Variants in LAMA2 observed in about 807,000 individuals in gnomAD.
The protein encoded by LAMA2 is laminin subunit alpha-2.
In LAMA2, 269 loss-of-function variants were observed where a neutral mutation model predicts 364.8. The observed-to-expected ratio is 0.74, with a 90% CI of 0.67 to 0.82. LAMA2 has a LOEUF of 0.82. Among genes scored for constraint, LAMA2 ranks in the 40% least tolerant of loss-of-function variants. The probability of loss-of-function intolerance (pLI) is 0.00; values close to 1 mark genes in which losing one functional copy is unlikely to be tolerated. For synonymous variants in LAMA2, 1,379 were observed against 1,370.6 expected, an observed-to-expected ratio of 1.01 and a Z score of -0.14; for missense variants, 3,807 against 3,873.2, an observed-to-expected ratio of 0.98 and a Z score of 0.45.
intron 22 of LAMA2, among the ~76,000 whole-genome samples, chr6:129,306,345 G>GTTT (rs138700232): frequency 9.5e-5 from 9 of 94,840 alleles, no homozygotes; most frequent in Non-Finnish European, 1.5e-4. Flanking sequence ...TTCCAGAAAG[G>GTTT]TGTTTTTTTT....
intron 28 of LAMA2, among the ~76,000 whole-genome samples, chr6:129,327,130 C>T (rs1052491620): frequency 1.3e-5 from 2 of 152,042 alleles, no homozygotes; most frequent in African/African-American, 4.8e-5. Flanking sequence ...TATTAAATCT[C>T]ATTAGAATTT....
Position 129,391,558 on chromosome 6 carries a change from T to C in LAMA2, c.5139T>C (p.Asn1713=). 4 of 1,613,784 alleles carry C rather than the reference T, an allele frequency of 2.5e-6. No homozygotes were observed. The highest frequency in any genetic ancestry group is 2.2e-5 in the East Asian group (1 of 44,852). Residue 1713 remains asparagine, a synonymous_variant, in exon 36 of 65, where the codon AAT becomes AAC. Coordinates refer to ENST00000421865, the MANE Select transcript of LAMA2 (RefSeq NM_000426.4). ...CTCGAGACGAGGCCTTTGAGAGAAA[T>C]TTGGAAGGGCTTCAGAAAGAGATTG... ...LGTRDEAFER[N]LEGLQKEIDQ...
chr6:129,232,491 G>A (rs576159442), intron 12 of LAMA2, among the ~76,000 whole-genome samples: 32 of 152,028 alleles, frequency 2.1e-4, no homozygotes, highest in Middle Eastern at 3.4e-3. Flanking sequence ...ATATAGATAC[G>A]TACATTCCTG....
chr6:129,403,913 A>C lies in LAMA2; in HGVS notation c.5819A>C (p.Lys1940Thr), dbSNP rs1242293248. ...NIKDYIDEAE[K>T]VAKEAKDLAH... ...AAGGACTATATTGATGAAGCTGAGA[A>C]AGTTGCCAAAGAAGCCAAAGATCTT... The change falls in exon 40 of 65, where the codon AAA becomes ACA. Residue 1940 changes from lysine (K) to threonine (T), a missense_variant. By Grantham distance (78) the Lys-to-Thr change is moderately conservative (BLOSUM62 -1). Transcript: ENST00000421865. 6.2e-7 allele frequency: 1 copy of C among 1,613,880 alleles called. No homozygotes were observed. The highest frequency in any genetic ancestry group is 8.5e-7 in the Non-Finnish European group (1 of 1,179,906).
chr6:129,433,315 A>T (rs553942754), intron 41 of LAMA2, among the ~76,000 whole-genome samples: 64 of 152,326 alleles, frequency 4.2e-4, no homozygotes, highest in African/African-American at 1.5e-3. Flanking sequence ...GAGACCTAGG[A>T]GAGAAATACA....
At chr6:129,075,690 A>C (rs565824644) in intron 3 of LAMA2, among the ~76,000 whole-genome samples, 1 of 152,234 alleles carries the variant, frequency 6.6e-6, no homozygotes, top group East Asian at 1.9e-4. Context: ...GACTCCTAGG[A>C]GTTTGGCCTG....
intron 12 of LAMA2, among the ~76,000 whole-genome samples, chr6:129,225,905 C>T (rs1441012767): frequency 2.0e-5 from 3 of 152,074 alleles, no homozygotes; most frequent in African/African-American, 4.8e-5. Context: ...CTTTCTGTCT[C>T]GTTGATCTGT....
intron 49 of LAMA2, among the ~76,000 whole-genome samples, chr6:129,463,180 A>G (rs1462183696): frequency 1.3e-5 from 2 of 152,032 alleles, no homozygotes; most frequent in East Asian, 1.9e-4. Context: ...TAATTAATCT[A>G]TACTAACTTT....
intron 22 of LAMA2, among the ~76,000 whole-genome samples, chr6:129,305,765 A>G (rs1314477066): frequency 6.6e-6 from 1 of 150,872 alleles, no homozygotes; most frequent in East Asian, 1.9e-4. Flanking sequence ...TATTGGTATG[A>G]TTGGATTAAG....
rs369057810 is a variant in LAMA2, at chr6:129,374,082, C to T, written c.4959+4092C>T. Among the ~76,000 whole-genome samples the T allele has an allele frequency of 6.0e-3, 913 of 152,196 alleles. 8 individuals carry two copies. The highest frequency in any genetic ancestry group is 0.021 in the African/African-American group (854 of 41,516). ...GTAAATACTCATTAATTACTTTTTT[C>T]CTACCATATTTATAATTACAAATAT... On this transcript the variant is annotated intron_variant, in intron 34 of 64. Coordinates refer to ENST00000421865, the MANE Select transcript of LAMA2 (RefSeq NM_000426.4).
chr6:129,218,819 A>G (rs1412549323), intron 12 of LAMA2, among the ~76,000 whole-genome samples: 1 of 152,108 alleles, frequency 6.6e-6, no homozygotes, highest in Non-Finnish European at 1.5e-5. Flanking sequence ...TTTCATTTGC[A>G]GATGCTTAAA....
intron 1 of LAMA2, among the ~76,000 whole-genome samples, chr6:129,022,899 A>C (rs1301892785): frequency 6.6e-6 from 1 of 152,160 alleles, no homozygotes; most frequent in Non-Finnish European, 1.5e-5. Context: ...ATATTTAAGA[A>C]CACCACTCAC....
At chr6:129,325,544 T>TA (rs1357688757) in intron 28 of LAMA2, among the ~76,000 whole-genome samples, 88 of 150,980 alleles carry the variant, frequency 5.8e-4, no homozygotes, top group East Asian at 2.9e-3. Flanking sequence ...TTTTTTTTTT[T>TA]AAAAAAAACA....
chr6:129,319,952 A>G (rs939760382), intron 27 of LAMA2, among the ~76,000 whole-genome samples: 1 of 151,966 alleles, frequency 6.6e-6, no homozygotes, highest in Non-Finnish European at 1.5e-5. Context: ...GGCCAACATG[A>G]TGAAACCCAG....
intron 12 of LAMA2, among the ~76,000 whole-genome samples, chr6:129,202,434 G>A (rs73773702): frequency 0.023 from 3,565 of 152,124 alleles, 145 homozygotes; most frequent in African/African-American, 0.08. Flanking sequence ...TACAAAAGAG[G>A]TTGAGGATGC....
At chr6:128,916,391 T>G (rs2114473037) in intron 1 of LAMA2, among the ~76,000 whole-genome samples, 1 of 152,294 alleles carries the variant, frequency 6.6e-6, no homozygotes, top group Admixed American at 6.5e-5. Flanking sequence ...GAACACCAAC[T>G]GTAGGTACTA....
chr6:129,250,007 A>G (rs1786055869), intron 12 of LAMA2, 105 bp from the exon 13 acceptor site: 1 of 766,648 alleles, frequency 1.3e-6, no homozygotes, highest in African/African-American at 1.7e-5. Context: ...GCGTCTTGCA[A>G]ATACTGCCCT....
intron 10 of LAMA2, among the ~76,000 whole-genome samples, chr6:129,189,779 T>C (rs1306729548): frequency 6.6e-6 from 1 of 152,184 alleles, no homozygotes; most frequent in African/African-American, 2.4e-5. Context: ...ATCCATGCAT[T>C]AATGTCTTTA....
intron 10 of LAMA2, among the ~76,000 whole-genome samples, chr6:129,187,059 A>G (rs575649526): frequency 1.3e-5 from 2 of 151,974 alleles, no homozygotes; most frequent in South Asian, 2.1e-4. Flanking sequence ...AAATTATTCA[A>G]AGAGCTCAAC....
Sources: allele counts gnomAD v4.1 joint callset (sites outside exome capture counted in the v4.1 genomes callset), GRCh38; gene constraint gnomAD v4.1.1; transcripts MANE v1.5; gene names NCBI Gene and HGNC (gene_info 2026-07-23, HGNC 2026-07-21).